UHRF2: variants seen among roughly 807,000 people sequenced by gnomAD.
UHRF2 encodes ubiquitin like with PHD and ring finger domains 2.
In UHRF2, 23 loss-of-function variants were observed where a neutral mutation model predicts 96.8. The ratio of observed to expected loss-of-function variants is 0.24; its 90% CI spans 0.17 to 0.34. The LOEUF is 0.34. Ranked by LOEUF, UHRF2 falls within the 10% of genes least tolerant of loss-of-function variation. The pLI is 1.00. For synonymous variants in UHRF2, 385 were observed against 332.6 expected, an observed-to-expected ratio of 1.16 and a Z score of -1.72; for missense variants, 685 against 981.5, an observed-to-expected ratio of 0.70 and a Z score of 4.04.
chr9:6,458,737 A>C (rs1402097347), intron 3 of UHRF2, among the ~76,000 whole-genome samples: 2 of 152,198 alleles, frequency 1.3e-5, no homozygotes, highest in Non-Finnish European at 2.9e-5. Flanking sequence ...AAAGGATTAT[A>C]AATCATTCTA....
chr9:6,453,473 A>G (rs1365431365), intron 3 of UHRF2, among the ~76,000 whole-genome samples: 2 of 152,224 alleles, frequency 1.3e-5, no homozygotes, highest in Non-Finnish European at 2.9e-5. Flanking sequence ...ACTTAAGAAT[A>G]TTGAGGCAGG....
intron 3 of UHRF2, among the ~76,000 whole-genome samples, chr9:6,453,675 C>T (rs539972471): frequency 9.9e-5 from 15 of 152,052 alleles, no homozygotes; most frequent in South Asian, 2.1e-4. Flanking sequence ...TTGGCCAAGG[C>T]GGGCAGATCA....
chr9:6,481,650 C>G lies in UHRF2; in HGVS notation c.1168C>G (p.Pro390Ala). Residue 390 changes from proline (P) to alanine (A), a missense_variant, in exon 7 of 16, where the codon CCT (proline) becomes GCT (alanine). This residue lies in a region of UHRF2 where 391 missense variants were observed against 437.0 expected (regional missense o/e 0.89). Coordinates refer to ENST00000276893, the MANE Select transcript of UHRF2 (RefSeq NM_152896.3). ...CTTTTTTTTCTTTTAAAGGTATTGT[C>G]CTTCTTGTAAAACTGATTCCAGTGA... ...KVPEEEYWYCPSCKTDSSEVV... is the reference protein window; with the variant it reads ...KVPEEEYWYCASCKTDSSEVV... 6.2e-7 allele frequency: 1 copy of G among 1,611,832 alleles called. No homozygotes were observed. The highest frequency in any genetic ancestry group is 8.5e-7 in the Non-Finnish European group (1 of 1,179,220).
At chr9:6,459,679 A>G (rs1248599872) in intron 3 of UHRF2, among the ~76,000 whole-genome samples, 2 of 152,138 alleles carry the variant, frequency 1.3e-5, no homozygotes, top group Non-Finnish European at 2.9e-5. Context: ...ACAAAACAAA[A>G]CAAAAAACTT....
At chr9:6,453,123 C>T (rs533295335) in intron 3 of UHRF2, among the ~76,000 whole-genome samples, 2 of 152,056 alleles carry the variant, frequency 1.3e-5, no homozygotes, top group Admixed American at 6.6e-5. Flanking sequence ...ATATATAATC[C>T]ACTATATAAT....
At chr9:6,421,836 G>A (rs1381775236) in intron 2 of UHRF2, among the ~76,000 whole-genome samples, 2 of 151,624 alleles carry the variant, frequency 1.3e-5, no homozygotes, top group Non-Finnish European at 2.9e-5. Flanking sequence ...TGCTACTTAC[G>A]TATATTTCTC....
At chr9:6,420,748 A>G (rs983018499) in intron 1 of UHRF2, among the ~76,000 whole-genome samples, 164 bp from the exon 2 acceptor site, 2 of 151,890 alleles carry the variant, frequency 1.3e-5, no homozygotes, top group African/African-American at 4.8e-5. Flanking sequence ...ATTGGGGTCC[A>G]GAGAAGACAC....
chr9:6,450,013 G>C (rs1031101496), intron 3 of UHRF2, among the ~76,000 whole-genome samples: 4 of 152,044 alleles, frequency 2.6e-5, no homozygotes, highest in African/African-American at 9.7e-5. Context: ...TTTTTTGACT[G>C]TATTAACTCA....
intron 3 of UHRF2, among the ~76,000 whole-genome samples, chr9:6,436,265 G>C (rs1820843863): frequency 6.6e-6 from 1 of 151,992 alleles, no homozygotes; most frequent in Non-Finnish European, 1.5e-5. Flanking sequence ...TACTTTTCTG[G>C]TACTTATTGT....
At chr9:6,453,583 C>T (rs906912515) in intron 3 of UHRF2, among the ~76,000 whole-genome samples, 4 of 152,048 alleles carry the variant, frequency 2.6e-5, no homozygotes, top group Non-Finnish European at 4.4e-5. Flanking sequence ...CTGACCAAAC[C>T]GTTGTGAAAC....
intron 7 of UHRF2, 26 bp from the exon 8 acceptor site, chr9:6,481,966 C>A: frequency 5.0e-6 from 8 of 1,605,056 alleles, no homozygotes; most frequent in East Asian, 2.2e-5. Flanking sequence ...TAACTGATTT[C>A]TCAACGTTTG....
intron 9 of UHRF2, among the ~76,000 whole-genome samples, chr9:6,488,549 T>C (rs1302547148): frequency 7.1e-6 from 1 of 140,502 alleles, no homozygotes; most frequent in Non-Finnish European, 1.6e-5. Flanking sequence ...TCTTTTTTTT[T>C]TTTTTTTTTT....
intron 4 of UHRF2, among the ~76,000 whole-genome samples, chr9:6,472,284 A>G (rs1406978843): frequency 2.0e-5 from 3 of 152,250 alleles, no homozygotes; most frequent in Non-Finnish European, 2.9e-5. Flanking sequence ...TAAAGGGTTT[A>G]GGAAATTTAT....
At chr9:6,493,113 C>G (rs1366314218) in intron 9 of UHRF2, among the ~76,000 whole-genome samples, 2 of 152,030 alleles carry the variant, frequency 1.3e-5, no homozygotes, top group African/African-American at 4.8e-5. Context: ...ACATGGCCAA[C>G]ATGACAAAAC....
chr9:6,475,874 GT>G (rs1439888796), intron 5 of UHRF2, among the ~76,000 whole-genome samples: 2 of 151,990 alleles, frequency 1.3e-5, no homozygotes, highest in Admixed American at 1.3e-4. Flanking sequence ...ATCATTTTTT[GT>G]GTGTGTTGGG....
intron 15 of UHRF2, among the ~76,000 whole-genome samples, 160 bp from the exon 16 acceptor site, chr9:6,505,873 A>G (rs1816554580): frequency 6.6e-6 from 1 of 152,206 alleles, no homozygotes; most frequent in Non-Finnish European, 1.5e-5. Flanking sequence ...TAAAGCCATG[A>G]CTGTAGTCTT....
chr9:6,453,836 C>T (rs545273921), intron 3 of UHRF2, among the ~76,000 whole-genome samples: 1 of 152,050 alleles, frequency 6.6e-6, no homozygotes, highest in African/African-American at 2.4e-5. Flanking sequence ...ACCCAGGAGG[C>T]GGAGGTTACA....
At chr9:6,474,970 T>C (rs1823476928) in intron 4 of UHRF2, among the ~76,000 whole-genome samples, 1 of 152,170 alleles carries the variant, frequency 6.6e-6, no homozygotes, top group Non-Finnish European at 1.5e-5. Context: ...TATAAAAATA[T>C]ATTGCTTACA....
chr9:6,453,259 C>A (rs1050570316), intron 3 of UHRF2, among the ~76,000 whole-genome samples: 1 of 152,182 alleles, frequency 6.6e-6, no homozygotes, highest in African/African-American at 2.4e-5. Flanking sequence ...AGGTTCTCTA[C>A]TTAGTTCAAA....
Sources: allele counts gnomAD v4.1 joint callset (sites outside exome capture counted in the v4.1 genomes callset), GRCh38; gene constraint gnomAD v4.1.1; regional missense constraint gnomAD v4.1.1; transcripts MANE v1.5; gene names NCBI Gene and HGNC (gene_info 2026-07-23, HGNC 2026-07-21).